Variants in DLC1 observed in about 807,000 individuals in gnomAD.
The protein encoded by DLC1 is rho GTPase-activating protein 7.
DLC1 carries 54 observed loss-of-function variants against 140.3 expected under a neutral mutation model. The ratio of observed to expected loss-of-function variants is 0.38; its 90% CI spans 0.31 to 0.48. DLC1 has a LOEUF of 0.48. Ranked by LOEUF, DLC1 falls within the 20% of genes least tolerant of loss-of-function variation. The pLI is 0.96. For synonymous variants in DLC1, 986 were observed against 728.1 expected (o/e 1.35, Z -5.70); for missense variants, 2,536 against 1,907.0 (o/e 1.33, Z -6.14).
chr8:13,532,905 A>G (rs898128147), intron 1 of DLC1, among the ~76,000 whole-genome samples: 1 of 152,220 alleles, frequency 6.6e-6, no homozygotes, highest in African/African-American at 2.4e-5. Context: ...TTCCAATGAT[A>G]TAAGTTAAAA....
intron 2 of DLC1, among the ~76,000 whole-genome samples, chr8:13,444,361 A>C (rs186969693): frequency 6.6e-6 from 1 of 152,274 alleles, no homozygotes; most frequent in Non-Finnish European, 1.5e-5. Flanking sequence ...TGACAAGTTG[A>C]TGGGTGCAGC....
chr8:13,405,407 A>G (rs1404741433), intron 2 of DLC1, among the ~76,000 whole-genome samples: 2 of 152,188 alleles, frequency 1.3e-5, no homozygotes, highest in Non-Finnish European at 2.9e-5. Context: ...TCAAAACACA[A>G]TTCTTTAAGT....
chr8:13,170,536 C>G (rs565348739), intron 5 of DLC1, among the ~76,000 whole-genome samples: 3 of 152,090 alleles, frequency 2.0e-5, no homozygotes, highest in African/African-American at 7.2e-5. Flanking sequence ...CGAGACCATC[C>G]TGGCCAACAC....
At chr8:13,227,963 G>C (rs957081110) in intron 5 of DLC1, among the ~76,000 whole-genome samples, 2 of 152,094 alleles carry the variant, frequency 1.3e-5, no homozygotes, top group African/African-American at 4.8e-5. Context: ...ATAGTCTACT[G>C]AATGTCTTTA....
intron 1 of DLC1, among the ~76,000 whole-genome samples, chr8:13,572,929 T>C (rs1000227011): frequency 6.6e-6 from 1 of 152,226 alleles, no homozygotes; most frequent in Admixed American, 6.5e-5. Flanking sequence ...CTATCCTTTT[T>C]GTTCAAGATT....
In DLC1 at chr8:13,295,938, C is replaced by CTTTTTT. The variant is rs34697767; in HGVS notation, c.1348+9330_1348+9331insAAAAAA. ...ATCTAAGAGATGATCAGATAAGATT[C>CTTTTTT]TTTGTTTTTTTTTTTTTTTTTTTTT... is the stretch of plus-strand genomic sequence containing the variant. On this transcript the variant is annotated intron_variant, in intron 5 of 17. Transcript: ENST00000276297. Among the ~76,000 whole-genome samples, 73 of 53,312 alleles carry CTTTTTT rather than the reference C, an allele frequency of 1.4e-3. 12 individuals carry two copies. Among genetic ancestry groups the CTTTTTT allele is most frequent in the Non-Finnish European group, 2.0e-3 (53 of 27,120 alleles). 35.0% of individuals were successfully genotyped at this position (53,312 alleles called of 152,430 possible).
intron 5 of DLC1, among the ~76,000 whole-genome samples, chr8:13,284,986 T>C (rs1431989944): frequency 6.6e-6 from 1 of 152,196 alleles, no homozygotes; most frequent in Admixed American, 6.5e-5. Flanking sequence ...CATTAAAAAT[T>C]CCAGCAGGTT....
intron 4 of DLC1, among the ~76,000 whole-genome samples, chr8:13,312,330 C>T (rs1233009337): frequency 1.1e-5 from 1 of 89,318 alleles, no homozygotes; most frequent in Non-Finnish European, 2.0e-5. Context: ...CACTGCACTC[C>T]AGCCTGGGCG....
intron 1 of DLC1, among the ~76,000 whole-genome samples, chr8:13,589,175 C>G (rs946464556): frequency 2.0e-5 from 3 of 152,058 alleles, no homozygotes; most frequent in Admixed American, 1.3e-4. Flanking sequence ...AAACAACAGG[C>G]TGTCGTCAGT....
intron 4 of DLC1, among the ~76,000 whole-genome samples, chr8:13,310,330 T>A (rs1034376777): frequency 1.3e-5 from 2 of 151,862 alleles, no homozygotes; most frequent in African/African-American, 4.8e-5. Flanking sequence ...AGTGGCTTAA[T>A]TCAGAGAAAA....
chr8:13,354,664 G>T (rs1467788464), intron 4 of DLC1, among the ~76,000 whole-genome samples: 1 of 151,910 alleles, frequency 6.6e-6, no homozygotes, highest in Non-Finnish European at 1.5e-5. Context: ...TTTAAATCGG[G>T]TCAGGTGTGG....
intron 2 of DLC1, among the ~76,000 whole-genome samples, chr8:13,450,397 G>A (rs896708718): frequency 7.1e-6 from 1 of 141,522 alleles, no homozygotes; most frequent in Middle Eastern, 4.0e-3. Context: ...GGAGGTTTCA[G>A]TGAGCCAAGA....
chr8:13,089,442 T>C (rs916378902), intron 15 of DLC1, among the ~76,000 whole-genome samples: 15 of 151,790 alleles, frequency 9.9e-5, no homozygotes, highest in African/African-American at 3.1e-4. Flanking sequence ...CTGGCCAATA[T>C]GGTGAAACCC....
intron 5 of DLC1, among the ~76,000 whole-genome samples, chr8:13,185,589 G>A (rs547798770): frequency 1.3e-5 from 2 of 152,100 alleles, no homozygotes; most frequent in Non-Finnish European, 2.9e-5. Context: ...TTACAGGTGT[G>A]AGCCATGGCG....
intron 7 of DLC1, among the ~76,000 whole-genome samples, chr8:13,104,446 A>G (rs1450187711): frequency 6.6e-6 from 1 of 152,072 alleles, no homozygotes; most frequent in East Asian, 1.9e-4. Flanking sequence ...ATGTACAACT[A>G]TGAATGACAG....
At chr8:13,481,549 G>A (rs376878175) in intron 2 of DLC1, among the ~76,000 whole-genome samples, 41 of 152,270 alleles carry the variant, frequency 2.7e-4, no homozygotes, top group East Asian at 1.7e-3. Flanking sequence ...ATAAACGTCC[G>A]TTGTTATGAA....
intron 4 of DLC1, among the ~76,000 whole-genome samples, chr8:13,355,188 T>G: frequency 6.6e-6 from 1 of 151,842 alleles, no homozygotes; most frequent in Non-Finnish European, 1.5e-5. Flanking sequence ...AAACTAAAAC[T>G]TATTATCTGT....
intron 2 of DLC1, among the ~76,000 whole-genome samples, chr8:13,467,327 T>C (rs975934312): frequency 6.6e-6 from 1 of 152,192 alleles, no homozygotes; most frequent in African/African-American, 2.4e-5. Flanking sequence ...TGATAGTATG[T>C]TCCCATTTGG....
At chr8:13,108,988 A>G (rs2128945070) in intron 7 of DLC1, among the ~76,000 whole-genome samples, 1 of 152,294 alleles carries the variant, frequency 6.6e-6, no homozygotes, top group East Asian at 1.9e-4. Context: ...GTACGTTTCT[A>G]TCAGTCATTT....
Sources: gnomAD v4.1 joint callset for allele counts (sites outside exome capture counted in the v4.1 genomes callset) on GRCh38, gnomAD v4.1.1 for gene constraint, MANE v1.5 for transcripts, NCBI Gene and HGNC (gene_info 2026-07-23, HGNC 2026-07-21) for gene names.